WDR12: variants seen among roughly 807,000 people sequenced by gnomAD.
The protein encoded by WDR12 is WD repeat domain 12, also known as ribosome biogenesis protein WDR12.
Under a neutral mutation model 64.3 loss-of-function variants are expected in WDR12, and 42 were observed. The observed-to-expected ratio is 0.65, with a 90% CI of 0.51 to 0.84. WDR12 has a LOEUF of 0.84. WDR12 is among the 40% of genes least tolerant of loss of function. The pLI is 0.00. For synonymous variants in WDR12, 158 were observed against 173.3 expected (o/e 0.91, Z 0.70); for missense variants, 469 against 494.6 (o/e 0.95, Z 0.49).
chr2:202,898,028 C>T (rs1487987453), intron 4 of WDR12, among the ~76,000 whole-genome samples: 4 of 148,360 alleles, frequency 2.7e-5, no homozygotes, highest in Non-Finnish European at 5.9e-5. Flanking sequence ...ACTTGGATCA[C>T]ATCCCTAAAA....
intron 12 of WDR12, 120 bp downstream of exon 12, chr2:202,882,591 G>C: frequency 1.1e-6 from 1 of 948,586 alleles, no homozygotes. Context: ...GCCTCCCAAA[G>C]TGCTGCGATT....
intron 6 of WDR12, among the ~76,000 whole-genome samples, chr2:202,895,327 A>G (rs1019786712): frequency 9.9e-5 from 15 of 152,158 alleles, no homozygotes; most frequent in African/African-American, 3.6e-4. Context: ...TTGTCATGAT[A>G]AAGAGTAGAT....
rs1016801985 is a variant in WDR12 at position 202,875,099 on chromosome 2, T to G, written c.*5761A>C. 6.6e-6 allele frequency: 1 copy of G among 152,204 alleles called. No individual in the cohort carries two copies. Among genetic ancestry groups the G allele is most frequent in the African/African-American group, 2.4e-5 (1 of 41,464 alleles). 9.4% of individuals were successfully genotyped at this position (152,204 alleles called of 1,614,324 possible). ...ATGTCGCACAGCTCCATTAATTGGTTACATACCTTCACACTAGGTACTTAA... is the reference window on the plus strand; with the variant it reads ...ATGTCGCACAGCTCCATTAATTGGTGACATACCTTCACACTAGGTACTTAA... On this transcript the variant is annotated 3_prime_UTR_variant, in exon 13 of 13. Coordinates refer to ENST00000261015, the MANE Select transcript of WDR12 (RefSeq NM_018256.4).
chr2:202,891,423 T>G (rs759871246), intron 8 of WDR12, among the ~76,000 whole-genome samples: 2 of 152,222 alleles, frequency 1.3e-5, no homozygotes, highest in Non-Finnish European at 2.9e-5. Flanking sequence ...GTGCTGGGAT[T>G]ATAGGCCTGA....
At position 202,879,831 on chromosome 2, in the gene WDR12, TC is replaced by T. The variant is rs1417573717; in HGVS notation, c.*1028del. ...ATCTCAGCTCACTACAACCCCTGCC[TC>T]CCGGGTTCAAGCAATTCTCCTGCCT... On this transcript the variant is annotated 3_prime_UTR_variant, in exon 13 of 13. Transcript: ENST00000261015. 3.3e-5 allele frequency: 5 copies of T among 152,244 alleles called. No individual in the cohort carries two copies. Among genetic ancestry groups the T allele is most frequent in the African/African-American group, 9.7e-5 (4 of 41,384 alleles). 9.4% of individuals were successfully genotyped at this position (152,244 alleles called of 1,614,324 possible). A position where few individuals can be genotyped will look rare whatever the true frequency, so the allele number is the denominator to read the frequency against.
At chr2:202,890,868 C>G (rs547133224) in intron 8 of WDR12, among the ~76,000 whole-genome samples, 1 of 151,666 alleles carries the variant, frequency 6.6e-6, no homozygotes, top group Non-Finnish European at 1.5e-5. Context: ...GTGGCTCAAG[C>G]CTGTAATCCC....
chr2:202,889,899 G>GC (rs1304919756), intron 8 of WDR12, among the ~76,000 whole-genome samples: 1 of 151,442 alleles, frequency 6.6e-6, no homozygotes, highest in Non-Finnish European at 1.5e-5. Context: ...CTCTCAAAAG[G>GC]GGGGAAAGAA....
intron 6 of WDR12, 120 bp downstream of exon 6, chr2:202,895,945 T>C (rs1431506889): frequency 1.7e-6 from 2 of 1,185,794 alleles, no homozygotes; most frequent in East Asian, 2.4e-5. Context: ...TGAAATCCTA[T>C]CTTTTGTCAC....
intron 4 of WDR12, among the ~76,000 whole-genome samples, chr2:202,897,645 T>G (rs1287287173): frequency 2.7e-5 from 4 of 148,038 alleles, no homozygotes; most frequent in Non-Finnish European, 4.5e-5. Flanking sequence ...ATCCCAGCAC[T>G]TTGGGAGGCT....
intron 12 of WDR12, among the ~76,000 whole-genome samples, chr2:202,881,995 G>A (rs1687958651): frequency 1.3e-5 from 2 of 152,024 alleles, no homozygotes; most frequent in African/African-American, 4.8e-5. Context: ...GAGTGCAGTG[G>A]CGCGATCATA....
chr2:202,883,575 T>C (rs755541980), intron 11 of WDR12, 34 bp downstream of exon 11: 5 of 1,592,872 alleles, frequency 3.1e-6, no homozygotes, highest in Non-Finnish European at 3.4e-6. Flanking sequence ...AGGTAATTGA[T>C]ATGTTTCTCT....
chr2:202,907,194 G>A (rs951956811), intron 2 of WDR12, among the ~76,000 whole-genome samples: 15 of 151,968 alleles, frequency 9.9e-5, no homozygotes, highest in South Asian at 4.1e-4. Context: ...TGATCCACCC[G>A]CCTCGGCCTC....
At chr2:202,897,092 T>A (rs1376110381) in intron 5 of WDR12, among the ~76,000 whole-genome samples, 1 of 152,198 alleles carries the variant, frequency 6.6e-6, no homozygotes, top group Non-Finnish European at 1.5e-5. Context: ...TATTATCTGA[T>A]GTAATTTTAA....
At chr2:202,885,416 G>A (rs1371692973) in intron 8 of WDR12, among the ~76,000 whole-genome samples, 1 of 152,148 alleles carries the variant, frequency 6.6e-6, no homozygotes, top group Non-Finnish European at 1.5e-5. Context: ...CCTGGCATAC[G>A]ATGACCTTTA....
chr2:202,900,986 GCCT>G (rs1422265316), intron 3 of WDR12, 36 bp downstream of exon 3: 1 of 1,505,614 alleles, frequency 6.6e-7, no homozygotes. Context: ...AGCCGATAAT[GCCT>G]CAAGTGAAAT....
Position 202,883,410 on chromosome 2 carries a change from A to G in WDR12, c.1121+199T>C, listed in dbSNP as rs1158590395. ...CTCAGCCTTCCAAAGTGCTGGGATT[A>G]CAGGTGTGAGCCACTGTGCCTGGCC... On this transcript the variant is annotated intron_variant, in intron 11 of 12. Coordinates refer to ENST00000261015, the MANE Select transcript of WDR12 (RefSeq NM_018256.4). 9.9e-6 allele frequency: 5 copies of G among 504,978 alleles called. No individual in the cohort carries two copies. The Admixed American group carries it at 1.3e-4, about 13-fold the overall frequency. 31.3% of individuals were successfully genotyped at this position (504,978 alleles called of 1,614,324 possible). A position where few individuals can be genotyped will look rare whatever the true frequency, so the allele number is the denominator to read the frequency against.
chr2:202,895,863 A>G, intron 6 of WDR12: 2 of 527,944 alleles, frequency 3.8e-6, no homozygotes, highest in Non-Finnish European at 3.1e-6. Flanking sequence ...TGGAGTTTAT[A>G]TAAGGTTCTA....
intron 2 of WDR12, among the ~76,000 whole-genome samples, chr2:202,904,827 G>T (rs534342701): frequency 1.3e-5 from 2 of 152,086 alleles, no homozygotes; most frequent in African/African-American, 4.8e-5. Flanking sequence ...AGACAAATGC[G>T]ATCCCATCAG....
rs1687831266 is a variant in WDR12 at position 202,874,923 on chromosome 2, CT to C, written c.*5936del. The C allele has an allele frequency of 2.0e-5, 3 of 152,332 alleles. No homozygotes were observed. The South Asian group carries it at 6.2e-4, about 32-fold the overall frequency. 9.4% of individuals were successfully genotyped at this position (152,332 alleles called of 1,614,324 possible). ...TCGTTTTAAAAATTATTTCCTCCCC[CT>C]GAAACCACTGAACTTCATCTGGTAT... On this transcript the variant is annotated 3_prime_UTR_variant, in exon 13 of 13. Transcript: ENST00000261015.
Sources: allele counts gnomAD v4.1 joint callset (sites outside exome capture counted in the v4.1 genomes callset), GRCh38; gene constraint gnomAD v4.1.1; transcripts MANE v1.5; gene names NCBI Gene and HGNC (gene_info 2026-07-23, HGNC 2026-07-21).